The following DACT2 variants were observed in gnomAD, a reference collection of about 807,000 sequenced individuals.
DACT2 encodes dapper homolog 2.
A neutral mutation model predicts 22.2 loss-of-function variants in DACT2; 20 were observed. The observed-to-expected ratio is 0.90, with a 90% confidence interval of 0.63 to 1.31. The LOEUF (loss-of-function observed/expected upper bound fraction) is 1.31. Ranked by LOEUF, DACT2 falls within the 50% of genes most tolerant of loss-of-function variation. The pLI, the probability that DACT2 is intolerant of heterozygous loss-of-function variation, is 0.00. For missense variants in DACT2, 1,048 were observed against 1,061.4 expected (o/e 0.99, Z 0.18); for synonymous variants, 463 against 479.8 (o/e 0.96, Z 0.46).
At chr6:168,312,186 G>A (rs547667640) in intron 1 of DACT2, among the ~76,000 whole-genome samples, 5 of 152,184 alleles carry the variant, frequency 3.3e-5, no homozygotes, top group South Asian at 2.1e-4. Flanking sequence ...CTTGAAAATC[G>A]GCCTTCAGGA....
At chr6:168,296,444 C>A (rs1779010579) in intron 3 of DACT2, among the ~76,000 whole-genome samples, 1 of 147,506 alleles carries the variant, frequency 6.8e-6, no homozygotes, top group Non-Finnish European at 1.5e-5. Flanking sequence ...GCGGATCCAT[C>A]CACAGCGGTG....
At chr6:168,294,151 C>A (rs1778958510) in exon 5 of DACT2, 1 of 703,026 alleles carries the variant, frequency 1.4e-6, no homozygotes, top group Non-Finnish European at 2.6e-6. Flanking sequence ...AGAAAGGGAG[C>A]TGACAGCCAC....
At chr6:168,295,781 A>G (rs568605065) in intron 3 of DACT2, among the ~76,000 whole-genome samples, 2 of 152,374 alleles carry the variant, frequency 1.3e-5, no homozygotes, top group Admixed American at 6.5e-5. Flanking sequence ...GACAGCATGG[A>G]AGAAGAAAAG....
intron 3 of DACT2, among the ~76,000 whole-genome samples, chr6:168,295,048 T>C (rs542161065): frequency 1.4e-4 from 22 of 152,268 alleles, no homozygotes; most frequent in Non-Finnish European, 2.8e-4. Context: ...CCCAAGCATA[T>C]GCTGGGGCCC....
chr6:168,311,596 A>ACACACACACAC (rs776316251), intron 1 of DACT2, among the ~76,000 whole-genome samples: 9 of 130,888 alleles, frequency 6.9e-5, no homozygotes, highest in African/African-American at 2.7e-4. Context: ...ACACACACAC[A>ACACACACACAC]TACACACACA....
chr6:168,300,540 C>G (rs1296388529), intron 3 of DACT2: 1 of 152,112 alleles, frequency 6.6e-6, no homozygotes, highest in African/African-American at 2.4e-5. Context: ...CGACTAAAGT[C>G]ATCGATTTGC....
At chr6:168,292,881 G>C (rs762547664) in exon 6 of DACT2, 1 of 152,120 alleles carries the variant, frequency 6.6e-6, no homozygotes, top group Non-Finnish European at 1.5e-5. Flanking sequence ...AACCATCACA[G>C]CTGCTTTTAT....
chr6:168,304,067 A>ATTAGAACTTTTTGTCT (rs1213316198), downstream of DACT2, among the ~76,000 whole-genome samples: 4 of 152,220 alleles, frequency 2.6e-5, no homozygotes, highest in African/African-American at 9.6e-5. Flanking sequence ...CCCGGAAGTC[A>ATTAGAACTTTTTGTCT]AATTCTACAT....
At chr6:168,293,757 GT>G (rs1315121536) in exon 6 of DACT2, 1 of 669,162 alleles carries the variant, frequency 1.5e-6, no homozygotes, top group African/African-American at 1.8e-5. Context: ...CTGGCTCACT[GT>G]GGGGAAAGCA....
chr6:168,297,907 G>A lies in DACT2; in HGVS notation c.659-3203C>T, dbSNP rs549828982. Among the ~76,000 whole-genome samples, 10 of 152,340 alleles carry A rather than the reference G, an allele frequency of 6.6e-5. No homozygotes were observed. In the South Asian group the frequency reaches 1.5e-3, roughly 22 times the overall value. Reference sequence around the variant, plus strand: ...GTGGAGGTGTCGGCGCAGCCCGGGTGGGTCCGTGTCCCAGCCCCTGGTGAG... The same window carrying A: ...GTGGAGGTGTCGGCGCAGCCCGGGTAGGTCCGTGTCCCAGCCCCTGGTGAG... On this transcript the variant is annotated intron_variant, in intron 3 of 5. Coordinates refer to the DACT2 transcript ENST00000366796.
chr6:168,314,283 C>T (rs967856224), intron 1 of DACT2, among the ~76,000 whole-genome samples: 2 of 152,168 alleles, frequency 1.3e-5, no homozygotes, highest in Non-Finnish European at 2.9e-5. Flanking sequence ...GCCTTGCTCA[C>T]GGTGTGCTCT....
chr6:168,307,679 C>A lies in DACT2; in HGVS notation c.2078G>T (p.Arg693Leu). The A allele has an allele frequency of 1.3e-6, 2 of 1,549,716 alleles. No individual in the cohort carries two copies. Among genetic ancestry groups the A allele is most frequent in the Non-Finnish European group, 1.7e-6 (2 of 1,146,204 alleles). Residue 693 changes from arginine (R) to leucine (L), a missense_variant, in exon 4 of 4, where the codon CGA (arginine) becomes CTA (leucine). Transcript: ENST00000366795. The surrounding 1 kb of genome is among the most constrained non-coding windows in gnomAD (Gnocchi z 5.3). Reference protein sequence around the residue: ...EGESSDHTTNRFGDRESSSSD... With the variant: ...EGESSDHTTNLFGDRESSSSD... ...GCTGCTGGACTCACGGTCTCCGAATCGGTTGGTGGTGTGGTCACTGGACTC... is the reference window on the plus strand; with the variant it reads ...GCTGCTGGACTCACGGTCTCCGAATAGGTTGGTGGTGTGGTCACTGGACTC...
chr6:168,299,353 T>G (rs1779062552), intron 3 of DACT2: 1 of 152,198 alleles, frequency 6.6e-6, no homozygotes, highest in African/African-American at 2.4e-5. Context: ...CTTTCTGAGA[T>G]GAACATACGT....
chr6:168,294,577 G>GTGTATATATATA (rs1177617130), intron 4 of DACT2: 7 of 124,462 alleles, frequency 5.6e-5, no homozygotes, highest in African/African-American at 1.1e-4. Flanking sequence ...GTGTGTGTGT[G>GTGTATATATATA]TATATATATA....
At chr6:168,296,326 GAGA>G (rs1486382092) in intron 3 of DACT2, among the ~76,000 whole-genome samples, 2 of 150,808 alleles carry the variant, frequency 1.3e-5, no homozygotes, top group Admixed American at 6.6e-5. Context: ...CCACAGTGGT[GAGA>G]AGATGCTCAT....
At chr6:168,310,096 G>T in intron 3 of DACT2, 72 bp downstream of exon 3, 2 of 1,520,562 alleles carry the variant, frequency 1.3e-6, no homozygotes, top group Non-Finnish European at 1.8e-6. Context: ...TCTGCCCTCA[G>T]CAGCTGGGGA....
At chr6:168,311,323 A>G in intron 1 of DACT2, 39 bp from the exon 2 acceptor site, 1 of 1,510,942 alleles carries the variant, frequency 6.6e-7, no homozygotes, top group Middle Eastern at 1.7e-4. Flanking sequence ...TGTTGTACCT[A>G]TGGAAAGCAA....
At chr6:168,295,431 A>T (rs1262398771) in intron 3 of DACT2, among the ~76,000 whole-genome samples, 1 of 152,190 alleles carries the variant, frequency 6.6e-6, no homozygotes, top group East Asian at 1.9e-4. Flanking sequence ...AACTAGTGAG[A>T]GGGTTTAATA....
At chr6:168,315,480 CG>C (rs1223384164) in intron 1 of DACT2, among the ~76,000 whole-genome samples, 2 of 152,160 alleles carry the variant, frequency 1.3e-5, no homozygotes, top group African/African-American at 2.4e-5. Flanking sequence ...TCGGAGGGCA[CG>C]GGGATCTCAT....
Sources: allele counts gnomAD v4.1 joint callset (sites outside exome capture counted in the v4.1 genomes callset), GRCh38; gene constraint gnomAD v4.1.1; non-coding constraint Gnocchi (gnomAD v3.1); transcripts MANE v1.5; gene names NCBI Gene and HGNC (gene_info 2026-07-23, HGNC 2026-07-21).